RRM1: variants seen among roughly 807,000 people sequenced by gnomAD.
RRM1 encodes ribonucleoside-diphosphate reductase large subunit.
RRM1 carries 19 observed loss-of-function variants against 101.5 expected under a neutral mutation model. That is an observed-to-expected ratio of 0.19 (90% CI 0.13 to 0.27). The LOEUF is 0.27. Ranked by LOEUF, RRM1 falls within the 10% of genes least tolerant of loss-of-function variation. RRM1 has a pLI of 1.00. For missense variants in RRM1, 500 were observed against 962.9 expected, an observed-to-expected ratio of 0.52 and a Z score of 6.36; for synonymous variants, 298 against 323.4, an observed-to-expected ratio of 0.92 and a Z score of 0.84.
intron 2 of RRM1, among the ~76,000 whole-genome samples, chr11:4,103,222 A>G (rs2094554004): frequency 1.3e-5 from 2 of 152,228 alleles, no homozygotes; most frequent in African/African-American, 4.8e-5. Context: ...CATGTATCTA[A>G]TTAGCCACTT....
At chr11:4,112,105 C>T (rs766225249) in intron 7 of RRM1, 43 bp downstream of exon 7, 13 of 1,483,280 alleles carry the variant, frequency 8.8e-6, no homozygotes, top group Non-Finnish European at 1.2e-5. Flanking sequence ...CCTGAAGAAA[C>T]TGGGCAGTTA....
In RRM1 at chr11:4,122,185, G is replaced by T; in HGVS notation, c.1083G>T (p.Glu361Asp). ...MCPNECPGLD[E>D]VWGEEFEKLY... ...CAAATGAGTGTCCTGGTCTGGATGA[G>T]GTTTGGGGAGAGGAATTTGAGAAAC... is the stretch of plus-strand genomic sequence containing the variant. Residue 361 changes from glutamate to aspartate, a missense_variant, in exon 11 of 19, where the codon GAG (glutamate) becomes GAT (aspartate). Physicochemically the swap from Glu to Asp is conservative, Grantham distance 45 (BLOSUM62 2). Around this residue, in one of 9 missense-constraint regions of RRM1, gnomAD observed 80 missense variants for 170.9 expected, o/e 0.47. Coordinates refer to ENST00000300738, the MANE Select transcript of RRM1 (RefSeq NM_001033.5). The T allele has an allele frequency of 6.2e-7, 1 of 1,613,446 alleles. No homozygotes were observed. The highest frequency in any genetic ancestry group is 8.5e-7 in the Non-Finnish European group (1 of 1,179,526).
intron 1 of RRM1, among the ~76,000 whole-genome samples, chr11:4,097,917 G>A (rs2133282616): frequency 1.3e-5 from 2 of 152,302 alleles, no homozygotes; most frequent in East Asian, 3.9e-4. Context: ...CAATCCATAT[G>A]AAAATTATTA....
At chr11:4,137,683 C>A (rs1187394372) in intron 18 of RRM1, among the ~76,000 whole-genome samples, 1 of 19,744 alleles carries the variant, frequency 5.1e-5, no homozygotes, top group East Asian at 1.5e-3. Flanking sequence ...CTGACCCCCC[C>A]ACCTCCCTCC....
Position 4,094,902 on chromosome 11 carries a change from G to GAGC in RRM1, c.-107_-105dup. On this transcript the variant is annotated 5_prime_UTR_variant, in exon 1 of 19. Coordinates refer to ENST00000300738, the MANE Select transcript of RRM1 (RefSeq NM_001033.5). Reference sequence around the variant, plus strand: ...GGCTCCAACTCCAGTTCTTTCCCCTGAGCAGCGCCTGGAACCTAACCCTTC... The same window carrying GAGC: ...GGCTCCAACTCCAGTTCTTTCCCCTGAGCAGCAGCGCCTGGAACCTAACCCTTC... The GAGC allele has an allele frequency of 8.5e-7, 1 of 1,169,638 alleles. No individual in the cohort carries two copies. The highest frequency in any genetic ancestry group is 1.3e-5 in the South Asian group (1 of 76,242). The allele number at this position is 1,169,638 out of a possible 1,614,324, so 72.5% of individuals were successfully genotyped here.
At chr11:4,122,885 A>C (rs1362886185) in intron 11 of RRM1, among the ~76,000 whole-genome samples, 1 of 151,520 alleles carries the variant, frequency 6.6e-6, no homozygotes, top group African/African-American at 2.4e-5. Context: ...AAAAAAAAAA[A>C]GGAAAAAAAT....
Position 4,121,636 on chromosome 11 carries a change from T to G in RRM1, c.909T>G (p.Pro303=), listed in dbSNP as rs775856980. The change falls in exon 10 of 19, where the codon CCT becomes CCG. Residue 303 remains proline (P), a synonymous_variant. Coordinates refer to ENST00000300738, the MANE Select transcript of RRM1 (RefSeq NM_001033.5). ...RPGAFAIYLE[P]WHLDIFEFLD... ...GGGCATTTGCTATTTACCTGGAGCC[T>G]TGGCATTTAGACATCTTTGAATTCC... 6.2e-7 allele frequency: 1 copy of G among 1,613,878 alleles called. No individual in the cohort carries two copies. The highest frequency in any genetic ancestry group is 8.5e-7 in the Non-Finnish European group (1 of 1,179,880).
rs141201806 is a variant in RRM1 at position 4,126,444 on chromosome 11, TTCTC to T, written c.1321-230_1321-227del. On this transcript the variant is annotated intron_variant, in intron 12 of 18. Coordinates refer to ENST00000300738, the MANE Select transcript of RRM1 (RefSeq NM_001033.5). ...GAGCTGTGTACTGTGGAACATAGGG[TTCTC>T]TCTCTCTCTTACCTATTTTGCTGAT... 2.4e-4 allele frequency among the ~76,000 whole-genome samples: 37 copies of T among 152,150 alleles called. No individual in the cohort carries two copies. In the South Asian group the frequency reaches 7.1e-3, roughly 29 times the overall value.
chr11:4,116,350 G>A (rs1424029491), intron 7 of RRM1: 1 of 152,288 alleles, frequency 6.6e-6, no homozygotes, highest in Non-Finnish European at 1.5e-5. Flanking sequence ...TTCACACTTT[G>A]GGAGGCCAAG....
intron 2 of RRM1, among the ~76,000 whole-genome samples, 190 bp from the exon 3 acceptor site, chr11:4,105,856 C>T (rs141556464): frequency 8.3e-4 from 126 of 151,826 alleles, no homozygotes; most frequent in African/African-American, 3.0e-3. Context: ...TGAGCCACAA[C>T]GCCTGGCTTT....
intron 2 of RRM1, among the ~76,000 whole-genome samples, chr11:4,105,312 T>C (rs549292085): frequency 3.4e-4 from 51 of 150,928 alleles, no homozygotes; most frequent in African/African-American, 1.1e-3. Context: ...CTCAGTGCAG[T>C]CTTGACTTCC....
At chr11:4,116,882 G>A (rs1314068181) in intron 7 of RRM1, among the ~76,000 whole-genome samples, 3 of 151,518 alleles carry the variant, frequency 2.0e-5, no homozygotes, top group Admixed American at 1.3e-4. Context: ...TGGGAGGATC[G>A]CTCGAGCCCA....
Position 4,094,846 on chromosome 11 carries a change from T to G in RRM1, c.-167T>G, listed in dbSNP as rs946025549. ...GGGCGCGGGAAGGGGATTTGGATTG[T>G]TGCGCCTCTGCTCTGAAGAAAGTGC... On this transcript the variant is annotated 5_prime_UTR_variant, in exon 1 of 19. Transcript: ENST00000300738. 1.5e-6 allele frequency: 1 copy of G among 681,394 alleles called. No individual in the cohort carries two copies. The highest frequency in any genetic ancestry group is 2.8e-5 in the East Asian group (1 of 35,880). The allele number at this position is 681,394 out of a possible 1,614,324, so 42.2% of individuals were successfully genotyped here.
At position 4,132,190 on chromosome 11, in the gene RRM1, T is replaced by C; in HGVS notation, c.1770-96T>C. On this transcript the variant is annotated intron_variant, in intron 15 of 18. Transcript: ENST00000300738. This position sits in a 1 kb window ranked among gnomAD's most constrained non-coding sequence, Gnocchi z 4.1. ...TGTACGATGTTACATTTACATTTAC[T>C]ACATTTATCTACATTTACTACAGTG... 1 of 1,181,960 alleles carries C rather than the reference T, an allele frequency of 8.5e-7. No individual in the cohort carries two copies. Among genetic ancestry groups the C allele is most frequent in the Non-Finnish European group, 1.2e-6 (1 of 805,744 alleles). The allele number at this position is 1,181,960 out of a possible 1,614,324, so 73.2% of individuals were successfully genotyped here. A position where few individuals can be genotyped will look rare whatever the true frequency, so the allele number is the denominator to read the frequency against.
intron 17 of RRM1, among the ~76,000 whole-genome samples, chr11:4,133,889 A>G (rs2094604601): frequency 6.6e-6 from 1 of 151,772 alleles, no homozygotes; most frequent in South Asian, 2.1e-4. Flanking sequence ...ATTTTTCTGC[A>G]TCTTAGAATC....
chr11:4,097,946 A>T (rs1294121634), intron 1 of RRM1, among the ~76,000 whole-genome samples: 2 of 152,216 alleles, frequency 1.3e-5, no homozygotes, highest in African/African-American at 4.8e-5. Context: ...AGAATAGTAG[A>T]TGAGTTTTTT....
intron 3 of RRM1, among the ~76,000 whole-genome samples, chr11:4,107,074 T>C (rs2094559278): frequency 1.3e-5 from 2 of 152,044 alleles, no homozygotes; most frequent in Admixed American, 6.6e-5. Flanking sequence ...TTTGTATTTT[T>C]AGTAGAGACG....
intron 8 of RRM1, chr11:4,119,145 G>A (rs1052866093): frequency 6.6e-6 from 1 of 152,356 alleles, no homozygotes; most frequent in Non-Finnish European, 1.5e-5. Flanking sequence ...TCTGTAAGGT[G>A]AAGAAAATAT....
At chr11:4,101,816 G>C (rs2094551821) in intron 1 of RRM1, 177 bp from the exon 2 acceptor site, 1 of 578,386 alleles carries the variant, frequency 1.7e-6, no homozygotes, top group African/African-American at 1.9e-5. Flanking sequence ...CTCTTTGAAG[G>C]TGACATCAGA....
Sources: allele counts gnomAD v4.1 joint callset (sites outside exome capture counted in the v4.1 genomes callset), GRCh38; gene constraint gnomAD v4.1.1; regional missense constraint gnomAD v4.1.1; non-coding constraint Gnocchi (gnomAD v3.1); transcripts MANE v1.5; gene names NCBI Gene and HGNC (gene_info 2026-07-23, HGNC 2026-07-21).